Variants in TASP1 observed in about 807,000 individuals in gnomAD.
TASP1 encodes the protein threonine aspartase 1.
A neutral mutation model predicts 56.6 loss-of-function variants in TASP1; 16 were observed. The observed-to-expected ratio is 0.28, with a 90% CI of 0.19 to 0.43. The LOEUF (loss-of-function observed/expected upper bound fraction) is 0.43, where lower values mean the gene tolerates loss of function less well. TASP1 is among the 20% of genes least tolerant of loss of function. The probability of loss-of-function intolerance (pLI) is 1.00; values close to 1 mark genes in which losing one functional copy is unlikely to be tolerated. For synonymous variants in TASP1, 179 were observed against 184.2 expected, an observed-to-expected ratio of 0.97 and a Z score of 0.23; for missense variants, 393 against 511.6, an observed-to-expected ratio of 0.77 and a Z score of 2.24.
chr20:13,233,317 C>T, the TASP1 span, among the ~76,000 whole-genome samples: 107 of 152,144 alleles, frequency 7.0e-4, no homozygotes, highest in East Asian at 5.8e-3. Context: ...GAGATCCTGC[C>T]GGGCGCGGTG....
the TASP1 span, chr20:13,288,705 G>A: frequency 6.3e-6 from 10 of 1,596,420 alleles, no homozygotes; most frequent in African/African-American, 1.2e-4. Context: ...TGAGTGTGTA[G>A]CTCCAAGTTC....
chr20:13,394,135 T>A (rs1238974543), intron 13 of TASP1, among the ~76,000 whole-genome samples: 3 of 149,556 alleles, frequency 2.0e-5, no homozygotes, highest in African/African-American at 7.4e-5. Flanking sequence ...ACAAAAAAAA[T>A]TAGCTGGGTG....
chr20:13,463,282 G>A (rs2044124377), intron 11 of TASP1, among the ~76,000 whole-genome samples: 1 of 151,992 alleles, frequency 6.6e-6, no homozygotes, highest in Non-Finnish European at 1.5e-5. Flanking sequence ...AGTCTTTTTC[G>A]ATAATGATGC....
chr20:13,308,144 T>C, the TASP1 span, among the ~76,000 whole-genome samples: 1 of 152,158 alleles, frequency 6.6e-6, no homozygotes, highest in Non-Finnish European at 1.5e-5. Flanking sequence ...ACTCAATACG[T>C]GCATACTGAG....
At chr20:13,383,588 T>C in the TASP1 span, among the ~76,000 whole-genome samples, 1 of 152,156 alleles carries the variant, frequency 6.6e-6, no homozygotes, top group African/African-American at 2.4e-5. Flanking sequence ...GGCCTGGTAG[T>C]TTCTGCTTTT....
the TASP1 span, among the ~76,000 whole-genome samples, chr20:13,317,901 C>T: frequency 8.2e-6 from 1 of 122,086 alleles, no homozygotes; most frequent in Non-Finnish European, 1.7e-5. Context: ...TTTTTAGGTA[C>T]AATACCAAAG....
intron 10 of TASP1, among the ~76,000 whole-genome samples, chr20:13,510,547 G>A (rs578103169): frequency 6.6e-6 from 1 of 152,236 alleles, no homozygotes; most frequent in African/African-American, 2.4e-5. Flanking sequence ...GTTTTGGTAA[G>A]AACAGATTTA....
chr20:13,131,498 A>G, the TASP1 span, among the ~76,000 whole-genome samples: 1 of 152,248 alleles, frequency 6.6e-6, no homozygotes, highest in Non-Finnish European at 1.5e-5. Flanking sequence ...ATAAAGTCAT[A>G]GTACTTTCAA....
chr20:13,410,257 G>C (rs2042052638), intron 13 of TASP1, among the ~76,000 whole-genome samples: 1 of 152,122 alleles, frequency 6.6e-6, no homozygotes, highest in Non-Finnish European at 1.5e-5. Context: ...CTATATACTT[G>C]CTATTGTGAG....
At chr20:13,130,707 G>C in the TASP1 span, among the ~76,000 whole-genome samples, 1 of 152,216 alleles carries the variant, frequency 6.6e-6, no homozygotes, top group African/African-American at 2.4e-5. Flanking sequence ...TCACTCTGAG[G>C]AGTGCAGTGA....
Position 13,588,302 on chromosome 20 carries a change from GAAGGAAGA to G in TASP1, c.283-940_283-933del, listed in dbSNP as rs1272708287. 2.3e-3 allele frequency among the ~76,000 whole-genome samples: 258 copies of G among 111,268 alleles called. 2 individuals are homozygous for G. Among genetic ancestry groups the G allele is most frequent in the African/African-American group, 7.6e-3 (235 of 30,746 alleles). The allele number at this position is 111,268 out of a possible 152,430, so 73.0% of individuals were successfully genotyped here. ...GGAAGGAAGGAAGGAAGGAAGGAAG[GAAGGAAGA>G]GAAAGAAAAGGAAGGAAGGAAGGAA... On this transcript the variant is annotated intron_variant, in intron 4 of 13. Coordinates refer to ENST00000337743, the MANE Select transcript of TASP1 (RefSeq NM_017714.3).
chr20:13,149,314 T>C, the TASP1 span, among the ~76,000 whole-genome samples: 1 of 152,212 alleles, frequency 6.6e-6, no homozygotes, highest in Admixed American at 6.5e-5. Flanking sequence ...CATCCTAGCA[T>C]GGCTGTCCCT....
At chr20:13,497,550 T>G (rs1455823606) in intron 10 of TASP1, among the ~76,000 whole-genome samples, 4 of 152,250 alleles carry the variant, frequency 2.6e-5, no homozygotes, top group Admixed American at 2.0e-4. Context: ...AATAGATAAA[T>G]AGATAAAGAG....
intron 8 of TASP1, among the ~76,000 whole-genome samples, chr20:13,542,161 G>A (rs2045648496): frequency 6.6e-6 from 1 of 152,000 alleles, no homozygotes; most frequent in Non-Finnish European, 1.5e-5. Context: ...ATAAGTATAT[G>A]GAAAAGTTGA....
the TASP1 span, among the ~76,000 whole-genome samples, chr20:13,328,534 T>C: frequency 1.3e-5 from 2 of 152,254 alleles, no homozygotes; most frequent in African/African-American, 2.4e-5. Flanking sequence ...CTATTCACAA[T>C]AGCAAAGACA....
chr20:13,257,709 C>CT, the TASP1 span, among the ~76,000 whole-genome samples: 1 of 150,072 alleles, frequency 6.7e-6, no homozygotes, highest in Non-Finnish European at 1.5e-5. Flanking sequence ...GTGTATTTTC[C>CT]TTAAAAAAAA....
intron 11 of TASP1, among the ~76,000 whole-genome samples, chr20:13,478,260 C>T (rs115738077): frequency 6.6e-6 from 1 of 151,906 alleles, no homozygotes; most frequent in Non-Finnish European, 1.5e-5. Context: ...AAACTGCACT[C>T]GTATGTGTAC....
chr20:13,377,266 A>T, the TASP1 span, among the ~76,000 whole-genome samples: 1 of 152,126 alleles, frequency 6.6e-6, no homozygotes, highest in South Asian at 2.1e-4. Flanking sequence ...TAGTTTATTG[A>T]GGGTTTTTAG....
At chr20:13,159,031 A>C in the TASP1 span, among the ~76,000 whole-genome samples, 1 of 152,252 alleles carries the variant, frequency 6.6e-6, no homozygotes. Flanking sequence ...TTTTCCTGCA[A>C]AGACTAACAG....
Sources: gnomAD v4.1 joint callset for allele counts (sites outside exome capture counted in the v4.1 genomes callset) on GRCh38, gnomAD v4.1.1 for gene constraint, MANE v1.5 for transcripts, NCBI Gene and HGNC (gene_info 2026-07-23, HGNC 2026-07-21) for gene names.